The following ARPC2 variants were observed in gnomAD, a reference collection of about 807,000 sequenced individuals.
The protein encoded by ARPC2 is actin related protein 2/3 complex subunit 2, also known as actin-related protein 2/3 complex subunit 2.
Under a neutral mutation model 38.6 loss-of-function variants are expected in ARPC2, and 4 were observed. The observed-to-expected ratio is 0.10, with a 90% CI of 0.05 to 0.24. The LOEUF (loss-of-function observed/expected upper bound fraction) is 0.24. Ranked by LOEUF, ARPC2 falls within the 10% of genes least tolerant of loss-of-function variation. The pLI is 1.00. For synonymous variants in ARPC2, 125 were observed against 140.8 expected (o/e 0.89, Z 0.79); for missense variants, 229 against 387.3 (o/e 0.59, Z 3.43).
chr2:218,253,536 G>T (rs551567811), intron 10 of ARPC2, among the ~76,000 whole-genome samples: 6 of 152,328 alleles, frequency 3.9e-5, no homozygotes, highest in African/African-American at 9.6e-5. Context: ...GACAAATGAG[G>T]TAGTACTAAG....
rs1689286407 is a variant in ARPC2 at position 218,217,684 on chromosome 2, A to G, written c.74+140A>G. On this transcript the variant is annotated intron_variant, in intron 2 of 10. Coordinates refer to ENST00000315717, the MANE Select transcript of ARPC2 (RefSeq NM_152862.3). ...TGTAGGGGCTGCCCCAGCGGGGTAG[A>G]CGTGGGAGGCGATTGGGCGCGGCCG... 6.6e-6 allele frequency: 6 copies of G among 912,652 alleles called. No individual in the cohort carries two copies. In the South Asian group the frequency reaches 9.4e-5, roughly 14 times the overall value. The allele number at this position is 912,652 out of a possible 1,614,324, so 56.5% of individuals were successfully genotyped here. A position where few individuals can be genotyped will look rare whatever the true frequency, so the allele number is the denominator to read the frequency against.
chr2:218,232,663 G>A (rs1041759198), intron 4 of ARPC2, among the ~76,000 whole-genome samples: 7 of 150,546 alleles, frequency 4.6e-5, no homozygotes, highest in South Asian at 4.2e-4. Context: ...TCTGCCTCCC[G>A]GGTTCACGCC....
At chr2:218,234,932 C>G (rs1186591699) in intron 5 of ARPC2, 2 of 451,044 alleles carry the variant, frequency 4.4e-6, no homozygotes, top group Non-Finnish European at 8.9e-6. Context: ...CTATGTTATA[C>G]TGCTTTAAAA....
At chr2:218,235,155 A>C (rs977975959) in intron 5 of ARPC2, 5 of 283,918 alleles carry the variant, frequency 1.8e-5, no homozygotes, top group African/African-American at 1.1e-4. Context: ...AACAGCAGTT[A>C]CTTGTGCTAG....
intron 4 of ARPC2, among the ~76,000 whole-genome samples, chr2:218,230,060 T>A (rs1257293863): frequency 2.6e-5 from 4 of 151,512 alleles, no homozygotes; most frequent in Non-Finnish European, 5.9e-5. Context: ...AACCTCCAAC[T>A]CCTGGGTTCA....
intron 10 of ARPC2, 34 bp downstream of exon 10, chr2:218,249,955 T>A: frequency 6.5e-7 from 1 of 1,528,254 alleles, no homozygotes; most frequent in Non-Finnish European, 8.9e-7. Context: ...ACCACCTTCC[T>A]CTCCTGAGTC....
intron 1 of ARPC2, 102 bp downstream of exon 1, chr2:218,217,356 C>T (rs1411155365): frequency 9.9e-7 from 1 of 1,012,424 alleles, no homozygotes; most frequent in Admixed American, 1.9e-5. Flanking sequence ...CTCCCCTAAC[C>T]TCCTACCCCA....
Position 218,249,898 on chromosome 2 carries a change from G to GA in ARPC2, c.861dup (p.Glu288ArgfsTer35). 1 of 1,612,796 alleles carries GA rather than the reference G, an allele frequency of 6.2e-7. No homozygotes were observed. The highest frequency in any genetic ancestry group is 8.5e-7 in the Non-Finnish European group (1 of 1,179,462). ...TGAACCGCGCACGCCCAGATGCCGA[G>GA]AAAAAAGAAATGAAAACAATCACGT... On this transcript the variant is annotated frameshift_variant, in exon 10 of 11. Coordinates refer to ENST00000315717, the MANE Select transcript of ARPC2 (RefSeq NM_152862.3). LOFTEE classifies it high-confidence loss of function.
At chr2:218,218,331 A>C (rs1389877555) in intron 2 of ARPC2, among the ~76,000 whole-genome samples, 2 of 152,154 alleles carry the variant, frequency 1.3e-5, no homozygotes, top group Non-Finnish European at 2.9e-5. Flanking sequence ...ACACACTTCA[A>C]AGACTCCAGA....
In ARPC2 at chr2:218,225,959, G is replaced by A. The variant is rs201445900; in HGVS notation, c.109+5G>A. ...CAGTAGAAGTAACATTTGCAGGTAA[G>A]CATCTTTATCTCAGCCCTCTGAAGA... On this transcript the variant is annotated splice_donor_5th_base_variant and intron_variant, in intron 3 of 10. Transcript: ENST00000315717. 9.3e-6 allele frequency: 15 copies of A among 1,613,374 alleles called. No individual in the cohort carries two copies. Among genetic ancestry groups the A allele is most frequent in the Non-Finnish European group, 1.2e-5 (14 of 1,179,568 alleles).
chr2:218,218,782 T>A (rs2106140942), intron 2 of ARPC2, among the ~76,000 whole-genome samples: 1 of 152,350 alleles, frequency 6.6e-6, no homozygotes, highest in Admixed American at 6.5e-5. Flanking sequence ...GTATGTCCTG[T>A]CTCCTTTATA....
At chr2:218,247,252 C>T (rs539609324) in intron 8 of ARPC2, among the ~76,000 whole-genome samples, 12 of 152,288 alleles carry the variant, frequency 7.9e-5, no homozygotes, top group Non-Finnish European at 1.2e-4. Flanking sequence ...TCCACTTTTT[C>T]GCGGAATAAA....
intron 5 of ARPC2, chr2:218,234,760 A>T: frequency 2.1e-6 from 1 of 476,504 alleles, no homozygotes. Flanking sequence ...GTAATTCTGC[A>T]TACTACATAT....
Position 218,219,897 on chromosome 2 carries a change from G to T in ARPC2, c.74+2353G>T, listed in dbSNP as rs1414433332. ...TAGGCAGGGCTCTCCTGGGATTACA[G>T]ATGTATCACCCAGTAGAAGCCCGAA... On this transcript the variant is annotated intron_variant, in intron 2 of 10. Coordinates refer to ENST00000315717, the MANE Select transcript of ARPC2 (RefSeq NM_152862.3). Among the ~76,000 whole-genome samples the T allele has an allele frequency of 2.6e-5, 4 of 152,114 alleles. No individual in the cohort carries two copies. In the East Asian group the frequency reaches 7.7e-4, roughly 29 times the overall value.
At chr2:218,220,440 A>G (rs1384612094) in intron 2 of ARPC2, among the ~76,000 whole-genome samples, 2 of 152,228 alleles carry the variant, frequency 1.3e-5, no homozygotes, top group Non-Finnish European at 2.9e-5. Context: ...CATTTGCCAC[A>G]TGTGGCTGGT....
chr2:218,248,277 A>C (rs1690095574), intron 8 of ARPC2, among the ~76,000 whole-genome samples: 1 of 152,248 alleles, frequency 6.6e-6, no homozygotes, highest in Non-Finnish European at 1.5e-5. Context: ...AGGCCAGGGC[A>C]CATTGACACA....
chr2:218,226,210 T>A (rs1689492576), intron 3 of ARPC2, among the ~76,000 whole-genome samples: 1 of 148,516 alleles, frequency 6.7e-6, no homozygotes, highest in African/African-American at 2.5e-5. Context: ...GGAGAATCAC[T>A]TGAACTGGGA....
intron 9 of ARPC2, 46 bp downstream of exon 9, chr2:218,249,510 C>A: frequency 7.1e-7 from 1 of 1,414,722 alleles, no homozygotes. Context: ...TGGGTCTTTT[C>A]CTCCACCAGA....
chr2:218,232,048 T>C (rs767737622), intron 4 of ARPC2, among the ~76,000 whole-genome samples: 4 of 152,166 alleles, frequency 2.6e-5, no homozygotes, highest in Non-Finnish European at 4.4e-5. Context: ...GAGCCCAGCC[T>C]GGGCAACATG....
Sources: allele counts gnomAD v4.1 joint callset (sites outside exome capture counted in the v4.1 genomes callset), GRCh38; gene constraint gnomAD v4.1.1; transcripts MANE v1.5; gene names NCBI Gene and HGNC (gene_info 2026-07-23, HGNC 2026-07-21).